Variants in FBXO11 observed in about 807,000 individuals in gnomAD.
FBXO11 encodes the protein F-box protein 11, also known as F-box only protein 11.
Under a neutral mutation model 117.0 loss-of-function variants are expected in FBXO11, and 13 were observed. That is an observed-to-expected ratio of 0.11 (90% confidence interval 0.07 to 0.18). FBXO11 has a LOEUF of 0.18. Among genes scored for constraint, FBXO11 ranks in the 10% least tolerant of loss-of-function variants. FBXO11 has a pLI of 1.00. For synonymous variants in FBXO11, 490 were observed against 380.5 expected, an observed-to-expected ratio of 1.29 and a Z score of -3.35; for missense variants, 767 against 1,164.4, an observed-to-expected ratio of 0.66 and a Z score of 4.97.
At chr2:47,905,425 C>T in intron 1 of FBXO11, 64 bp downstream of exon 1, 1 of 1,179,086 alleles carries the variant, frequency 8.5e-7, no homozygotes, top group Non-Finnish European at 1.0e-6. Flanking sequence ...CCCGCCCGCC[C>T]GCCCCGGCCT....
chr2:47,826,059 G>GC (rs1381308929), intron 11 of FBXO11, among the ~76,000 whole-genome samples: 1 of 151,978 alleles, frequency 6.6e-6, no homozygotes, highest in East Asian at 1.9e-4. Context: ...ACATCCACAA[G>GC]TTTTTTTGGT....
At chr2:47,830,882 C>T (rs1312643552) in intron 11 of FBXO11, among the ~76,000 whole-genome samples, 1 of 152,148 alleles carries the variant, frequency 6.6e-6, no homozygotes, top group Non-Finnish European at 1.5e-5. Context: ...TCACTGCAAC[C>T]TCCGTCTCCT....
At chr2:47,889,010 G>C (rs934299862) in intron 1 of FBXO11, among the ~76,000 whole-genome samples, 2 of 152,102 alleles carry the variant, frequency 1.3e-5, no homozygotes, top group Non-Finnish European at 1.5e-5. Context: ...ACACACCTTG[G>C]ACTAGAGAAG....
At chr2:47,867,835 G>A (rs895066771) in intron 1 of FBXO11, among the ~76,000 whole-genome samples, 2 of 152,114 alleles carry the variant, frequency 1.3e-5, no homozygotes, top group African/African-American at 4.8e-5. Context: ...GGGAAATAGA[G>A]ATGACAATGT....
chr2:47,905,899 G>T lies in FBXO11; in HGVS notation c.-179C>A. The stretch of plus-strand genomic sequence containing the variant: ...AGCGGGACCCCGAGTCCGGAGAAAG[G>T]CCCGGGTAGACAGACGGAGACCGAG... On this transcript the variant is annotated 5_prime_UTR_variant, in exon 1 of 23. Transcript: ENST00000403359. 1.5e-6 allele frequency: 1 copy of T among 688,034 alleles called. No individual in the cohort carries two copies. The highest frequency in any genetic ancestry group is 3.6e-5 in the East Asian group (1 of 27,980). 42.6% of individuals were successfully genotyped at this position (688,034 alleles called of 1,614,324 possible). A position where few individuals can be genotyped will look rare whatever the true frequency, so the allele number is the denominator to read the frequency against.
At chr2:47,884,606 GTA>G (rs1219727540) in intron 1 of FBXO11, among the ~76,000 whole-genome samples, 2 of 152,298 alleles carry the variant, frequency 1.3e-5, no homozygotes, top group African/African-American at 4.8e-5. Flanking sequence ...TTAATTGTGT[GTA>G]TGTTTATCAT....
intron 1 of FBXO11, among the ~76,000 whole-genome samples, chr2:47,861,146 G>A (rs1218227315): frequency 1.3e-5 from 2 of 152,006 alleles, no homozygotes; most frequent in Non-Finnish European, 2.9e-5. Context: ...CACCACGCCT[G>A]GCCTTCCCCT....
chr2:47,889,196 C>T (rs914237696), intron 1 of FBXO11, among the ~76,000 whole-genome samples: 21 of 152,068 alleles, frequency 1.4e-4, no homozygotes, highest in African/African-American at 4.8e-4. Context: ...AAAACAAAAG[C>T]TTTGTTTAAA....
At chr2:47,881,731 CGTT>C (rs1017484897) in intron 1 of FBXO11, among the ~76,000 whole-genome samples, 1 of 150,168 alleles carries the variant, frequency 6.7e-6, no homozygotes, top group African/African-American at 2.5e-5. Flanking sequence ...TATATTCTGT[CGTT>C]ATGATCTCCA....
intron 16 of FBXO11, among the ~76,000 whole-genome samples, chr2:47,817,805 T>C (rs1671108904): frequency 6.6e-6 from 1 of 152,246 alleles, no homozygotes; most frequent in Non-Finnish European, 1.5e-5. Flanking sequence ...GTTTGTTATC[T>C]TGGGCGCAGT....
intron 11 of FBXO11, among the ~76,000 whole-genome samples, chr2:47,826,342 C>A (rs991704756): frequency 6.6e-6 from 1 of 152,170 alleles, no homozygotes; most frequent in Non-Finnish European, 1.5e-5. Flanking sequence ...CAGGTGTGAG[C>A]CACCGCGCCC....
chr2:47,895,735 C>T (rs1677609849), intron 1 of FBXO11, among the ~76,000 whole-genome samples: 2 of 152,120 alleles, frequency 1.3e-5, no homozygotes, highest in African/African-American at 2.4e-5. Context: ...CTCTTTCACC[C>T]AGGCTGGAGT....
intron 21 of FBXO11, chr2:47,808,837 A>G (rs2104617903): frequency 3.8e-6 from 1 of 264,916 alleles, no homozygotes; most frequent in East Asian, 7.9e-5. Flanking sequence ...CAGTTACTGT[A>G]GCATTAGGTT....
chr2:47,831,448 A>G (rs1672183841), intron 11 of FBXO11, among the ~76,000 whole-genome samples: 2 of 146,382 alleles, frequency 1.4e-5, no homozygotes, highest in African/African-American at 4.9e-5. Context: ...AAAAAAAAAA[A>G]GAAAAATGAA....
intron 1 of FBXO11, among the ~76,000 whole-genome samples, chr2:47,891,757 T>C (rs13430439): frequency 0.17 from 25,550 of 152,174 alleles, 2,258 homozygotes; most frequent in South Asian, 0.3. Flanking sequence ...AGGGGTTCAA[T>C]TTCTACGTAT....
At chr2:47,863,055 C>CAA (rs763187950) in intron 1 of FBXO11, among the ~76,000 whole-genome samples, 14 of 73,922 alleles carry the variant, frequency 1.9e-4, no homozygotes, top group Non-Finnish European at 2.2e-4. Flanking sequence ...AACTGTGTCT[C>CAA]AAAAAAAAAA....
chr2:47,811,893 C>A (rs1333154913), intron 18 of FBXO11, among the ~76,000 whole-genome samples: 1 of 152,218 alleles, frequency 6.6e-6, no homozygotes, highest in Non-Finnish European at 1.5e-5. Flanking sequence ...AGGTGTGAGC[C>A]ACTGTGCCCA....
chr2:47,820,603 G>C (rs376805176), intron 13 of FBXO11, 147 bp from the exon 14 acceptor site: 4 of 620,948 alleles, frequency 6.4e-6, no homozygotes, highest in Admixed American at 2.8e-5. Flanking sequence ...AGTGTAAATA[G>C]ATGCAGAGAG....
intron 1 of FBXO11, among the ~76,000 whole-genome samples, chr2:47,877,682 G>C (rs377761301): frequency 6.6e-6 from 1 of 151,890 alleles, no homozygotes; most frequent in Non-Finnish European, 1.5e-5. Context: ...AAGGTTTTTC[G>C]TTTCGTTTTG....
Sources: gnomAD v4.1 joint callset for allele counts (sites outside exome capture counted in the v4.1 genomes callset) on GRCh38, gnomAD v4.1.1 for gene constraint, MANE v1.5 for transcripts, NCBI Gene and HGNC (gene_info 2026-07-23, HGNC 2026-07-21) for gene names.